The following OR1J2 variants were observed in gnomAD, a reference collection of about 807,000 sequenced individuals.
OR1J2 encodes the protein olfactory receptor 1J2.
For synonymous variants in OR1J2, 142 were observed against 99.7 expected, an observed-to-expected ratio of 1.42 and a Z score of -2.52; for missense variants, 304 against 246.1, an observed-to-expected ratio of 1.24 and a Z score of -1.57.
At chr9:122,517,442 G>A in the OR1J2 span, among the ~76,000 whole-genome samples, 1 of 152,186 alleles carries the variant, frequency 6.6e-6, no homozygotes, top group Non-Finnish European at 1.5e-5. Flanking sequence ...TGAAATAGGA[G>A]TATGCTCAAC....
the OR1J2 span, among the ~76,000 whole-genome samples, chr9:122,489,004 AC>A: frequency 2.1e-5 from 3 of 144,488 alleles, no homozygotes; most frequent in Non-Finnish European, 4.6e-5. Context: ...CCCTCCCCTA[AC>A]CCCCCCACCC....
the OR1J2 span, among the ~76,000 whole-genome samples, chr9:122,538,795 A>G: frequency 6.6e-6 from 1 of 152,234 alleles, no homozygotes; most frequent in South Asian, 2.1e-4. Context: ...AAAATCAAAT[A>G]CCACATATTC....
At chr9:122,482,846 C>T in the OR1J2 span, among the ~76,000 whole-genome samples, 2 of 152,006 alleles carry the variant, frequency 1.3e-5, no homozygotes, top group Admixed American at 6.5e-5. Context: ...TAGTGGTTAC[C>T]AGAGCCTGGG....
the OR1J2 span, among the ~76,000 whole-genome samples, chr9:122,458,264 T>C: frequency 6.6e-6 from 1 of 152,238 alleles, no homozygotes; most frequent in South Asian, 2.1e-4. Flanking sequence ...CAGGAATGAA[T>C]GTTTGAAAGG....
the OR1J2 span, among the ~76,000 whole-genome samples, chr9:122,456,104 G>A: frequency 1.3e-5 from 2 of 152,094 alleles, no homozygotes; most frequent in Non-Finnish European, 2.9e-5. Context: ...CAGTTTTGTA[G>A]TATATTTTGA....
At chr9:122,503,363 C>T in the OR1J2 span, among the ~76,000 whole-genome samples, 1 of 152,188 alleles carries the variant, frequency 6.6e-6, no homozygotes, top group Non-Finnish European at 1.5e-5. Context: ...ATTGAGGGCT[C>T]AGCATTTGTC....
chr9:122,535,447 C>T, the OR1J2 span, among the ~76,000 whole-genome samples: 3 of 151,966 alleles, frequency 2.0e-5, no homozygotes, highest in Admixed American at 6.6e-5. Flanking sequence ...TTTGGGTCCA[C>T]GGATAAAACA....
the OR1J2 span, chr9:122,519,211 A>T: frequency 1.9e-6 from 3 of 1,614,124 alleles, no homozygotes; most frequent in South Asian, 3.3e-5. Context: ...CCAGAGCAGC[A>T]GGCTGTGTTC....
the OR1J2 span, among the ~76,000 whole-genome samples, chr9:122,459,195 G>A: frequency 6.6e-6 from 1 of 152,114 alleles, no homozygotes; most frequent in Non-Finnish European, 1.5e-5. Flanking sequence ...TTTGTCTGTT[G>A]ATGGACACTT....
the OR1J2 span, among the ~76,000 whole-genome samples, chr9:122,500,390 A>G: frequency 6.6e-6 from 1 of 152,154 alleles, no homozygotes; most frequent in Non-Finnish European, 1.5e-5. Context: ...GGATGCAGTC[A>G]CAGGGTCCAT....
At chr9:122,556,301 G>A in the OR1J2 span, among the ~76,000 whole-genome samples, 1 of 148,932 alleles carries the variant, frequency 6.7e-6, no homozygotes, top group South Asian at 2.1e-4. Flanking sequence ...TTTTCATGTG[G>A]ATGTCTAGTT....
chr9:122,542,111 A>G, the OR1J2 span, among the ~76,000 whole-genome samples: 1 of 152,216 alleles, frequency 6.6e-6, no homozygotes, highest in African/African-American at 2.4e-5. Context: ...TGGCTTCTTT[A>G]GCTCAACATT....
At chr9:122,536,023 G>A in the OR1J2 span, among the ~76,000 whole-genome samples, 1 of 152,160 alleles carries the variant, frequency 6.6e-6, no homozygotes, top group Non-Finnish European at 1.5e-5. Context: ...AGTGAAGGCA[G>A]GAACAGGCCA....
downstream of OR1J2, among the ~76,000 whole-genome samples, chr9:122,512,191 A>G (rs548284706): frequency 3.0e-4 from 45 of 152,298 alleles, no homozygotes; most frequent in South Asian, 8.7e-3. Context: ...TGGAAATATA[A>G]CCAAATTCAA....
chr9:122,485,660 A>G, the OR1J2 span, among the ~76,000 whole-genome samples: 7 of 152,212 alleles, frequency 4.6e-5, no homozygotes, highest in East Asian at 1.9e-4. Flanking sequence ...AGAGAGCCCT[A>G]TGGCCAACAC....
the OR1J2 span, among the ~76,000 whole-genome samples, chr9:122,551,338 CT>C: frequency 1.5e-3 from 228 of 152,144 alleles, 1 homozygote; most frequent in African/African-American, 5.1e-3. Context: ...ATATAAGTAG[CT>C]TTTTTTGAGC....
At chr9:122,528,699 A>T in the OR1J2 span, among the ~76,000 whole-genome samples, 1 of 152,236 alleles carries the variant, frequency 6.6e-6, no homozygotes, top group South Asian at 2.1e-4. Flanking sequence ...TAAAAACTAA[A>T]ACTGAAGGCT....
chr9:122,572,893 C>T, the OR1J2 span: 1 of 152,214 alleles, frequency 6.6e-6, no homozygotes, highest in Admixed American at 6.5e-5. Context: ...TCATGTTTCT[C>T]CTCTGAACTT....
the OR1J2 span, among the ~76,000 whole-genome samples, chr9:122,561,177 C>T: frequency 0.27 from 41,431 of 152,070 alleles, 5,820 homozygotes; most frequent in Middle Eastern, 0.34. Flanking sequence ...TCAGCTCCAT[C>T]ACATCATTTA....
Sources: allele counts gnomAD v4.1 joint callset (sites outside exome capture counted in the v4.1 genomes callset), GRCh38; gene constraint gnomAD v4.1.1; transcripts MANE v1.5; gene names NCBI Gene and HGNC (gene_info 2026-07-23, HGNC 2026-07-21).